Variants in ENOSF1 observed in about 807,000 individuals in gnomAD.
ENOSF1 encodes the protein enolase superfamily member 1, also known as mitochondrial enolase superfamily member 1.
A neutral mutation model predicts 68.2 loss-of-function variants in ENOSF1; 73 were observed. That is an observed-to-expected ratio of 1.07 (90% confidence interval 0.89 to 1.30). ENOSF1 has a LOEUF of 1.30. Among genes scored for constraint, ENOSF1 ranks in the 50% most tolerant of loss-of-function variants. The pLI is 0.00. For missense variants in ENOSF1, 589 were observed against 554.5 expected (o/e 1.06, Z -0.62); for synonymous variants, 223 against 210.4 (o/e 1.06, Z -0.52).
At chr18:692,165 C>G (rs1165769954) in intron 5 of ENOSF1, 1 of 152,224 alleles carries the variant, frequency 6.6e-6, no homozygotes, top group African/African-American at 2.4e-5. Context: ...GGCGGGGCCT[C>G]GTGCTGAGAC....
At chr18:704,232 G>A (rs2612094) in intron 2 of ENOSF1, among the ~76,000 whole-genome samples, 93,147 of 151,602 alleles carry the variant, frequency 0.61, 28,841 homozygotes, top group African/African-American at 0.71. Flanking sequence ...TCAGGAGACC[G>A]GCCTGACCAA....
At position 678,696 on chromosome 18, in the gene ENOSF1, C is replaced by T; in HGVS notation, c.918G>A (p.Gln306=). ...PLGIGIATGE[Q]CHNRVIFKQL... is the part of the protein sequence containing the mutation. ...TCCACCTGTTGGGGGCGTCACTCAC[C>T]TGTTCTCCTGTGGCAATGCCAATTC... Residue 306 remains glutamine, a splice_region_variant and synonymous_variant, in exon 12 of 16, where the codon CAG becomes CAA. Transcript: ENST00000647584. 1 of 1,614,000 alleles carries T rather than the reference C, an allele frequency of 6.2e-7. No individual in the cohort carries two copies. Among genetic ancestry groups the T allele is most frequent in the Non-Finnish European group, 8.5e-7 (1 of 1,180,010 alleles).
In ENOSF1 at chr18:672,919, T is replaced by G; in HGVS notation, c.*1386A>C. On this transcript the variant is annotated 3_prime_UTR_variant, in exon 16 of 16. Transcript: ENST00000647584. ...GGATTCTTCGAAAAGTTGAGAAAAT[T>G]GATGACTTCAAAGCTGAAGACTTTC... 6.3e-7 allele frequency: 1 copy of G among 1,598,514 alleles called. No individual in the cohort carries two copies. Among genetic ancestry groups the G allele is most frequent in the Non-Finnish European group, 8.6e-7 (1 of 1,167,852 alleles).
rs769170683 is a variant in ENOSF1, at chr18:677,859, A to C, written c.932T>G (p.Val311Gly). ...CGCCTGTAGGAGTTGCTTAAATATC[A>C]CTCTATTGTGGCACTGGAAATAGAA... is the stretch of plus-strand genomic sequence containing the variant. ...IATGEQCHNRVIFKQLLQAKA... is the reference protein window; with the variant it reads ...IATGEQCHNRGIFKQLLQAKA... Residue 311 changes from valine to glycine, a missense_variant, in exon 13 of 16, where the codon GTG becomes GGG. By Grantham distance (109) the Val-to-Gly change is moderately radical. Coordinates refer to ENST00000647584, the MANE Select transcript of ENOSF1 (RefSeq NM_017512.7). The C allele has an allele frequency of 3.7e-6, 6 of 1,613,078 alleles. No individual in the cohort carries two copies. The highest frequency in any genetic ancestry group is 5.1e-6 in the Non-Finnish European group (6 of 1,179,840).
At chr18:695,720 T>C (rs919980846) in intron 3 of ENOSF1, among the ~76,000 whole-genome samples, 1 of 152,158 alleles carries the variant, frequency 6.6e-6, no homozygotes, top group Non-Finnish European at 1.5e-5. Context: ...GCTGGGATTA[T>C]AGGCGTGAGC....
At chr18:701,150 A>C (rs1311211548) in intron 2 of ENOSF1, among the ~76,000 whole-genome samples, 1 of 152,124 alleles carries the variant, frequency 6.6e-6, no homozygotes, top group Non-Finnish European at 1.5e-5. Flanking sequence ...ATTTTTAAAA[A>C]TTTTGTCTAT....
intron 5 of ENOSF1, 106 bp from the exon 6 acceptor site, chr18:691,382 G>C: frequency 1.1e-6 from 1 of 933,852 alleles, no homozygotes; most frequent in African/African-American, 1.6e-5. Flanking sequence ...GTCTCACTCT[G>C]TTGCCCAGGC....
In ENOSF1 at chr18:706,558, C is replaced by T. The variant is rs58085394; in HGVS notation, c.105G>A (p.Ser35=). 211,375 of 1,612,488 alleles carry T rather than the reference C, an allele frequency of 0.13. 15,140 individuals carry two copies. Among genetic ancestry groups the T allele is most frequent in the East Asian group, 0.21 (9,380 of 44,824 alleles). ...ADAMHTDPDY[S]AAYVVIETDA... The stretch of plus-strand genomic sequence containing the variant: ...CAGTTTCTATGACGACATAGGCAGC[C>T]GAGTAGTCAGGGTCCGTGTGCTGCA... Residue 35 remains serine, a synonymous_variant, in exon 2 of 16, where the codon TCG becomes TCA. Coordinates refer to ENST00000647584, the MANE Select transcript of ENOSF1 (RefSeq NM_017512.7).
chr18:679,300 C>A (rs9961936), intron 11 of ENOSF1, among the ~76,000 whole-genome samples: 2 of 151,866 alleles, frequency 1.3e-5, no homozygotes, highest in African/African-American at 4.8e-5. Context: ...ACCTCCACCC[C>A]CCAGGCTGAA....
In ENOSF1 at chr18:671,623, G is replaced by T; in HGVS notation, c.*2682C>A. On this transcript the variant is annotated 3_prime_UTR_variant, in exon 16 of 16. Coordinates refer to ENST00000647584, the MANE Select transcript of ENOSF1 (RefSeq NM_017512.7). The stretch of plus-strand genomic sequence containing the variant: ...GGTGGGCAGGACAAGGCAGGCATCT[G>T]CCTCAGCAACCATGGGCACTTAACA... 1 of 636,514 alleles carries T rather than the reference G, an allele frequency of 1.6e-6. No individual in the cohort carries two copies. The highest frequency in any genetic ancestry group is 2.8e-6 in the Non-Finnish European group (1 of 360,698). The allele number at this position is 636,514 out of a possible 1,614,324, so 39.4% of individuals were successfully genotyped here.
At chr18:701,251 T>A (rs1390519828) in intron 2 of ENOSF1, among the ~76,000 whole-genome samples, 1 of 152,168 alleles carries the variant, frequency 6.6e-6, no homozygotes, top group African/African-American at 2.4e-5. Context: ...TGTCCAAACC[T>A]AAGAGTGACC....
chr18:699,585 T>A (rs1268233787), intron 2 of ENOSF1, among the ~76,000 whole-genome samples: 3 of 152,210 alleles, frequency 2.0e-5, no homozygotes, highest in Non-Finnish European at 2.9e-5. Context: ...AGGAAACATT[T>A]AGCCTACGTT....
downstream of ENOSF1, among the ~76,000 whole-genome samples, chr18:667,992 A>ATTTTTTTTTTTTTTTTTTTTTTTTTT (rs60409589): frequency 9.5e-6 from 1 of 105,388 alleles, no homozygotes; most frequent in African/African-American, 4.6e-5. Flanking sequence ...ATTCACAGGA[A>ATTTTTTTTTTTTTTTTTTTTTTTTTT]TTTTTTTTTT....
chr18:700,085 AAAAG>A (rs1333276126), intron 2 of ENOSF1, among the ~76,000 whole-genome samples: 2 of 152,202 alleles, frequency 1.3e-5, no homozygotes, highest in Admixed American at 6.5e-5. Context: ...CATCTCAAGA[AAAAG>A]AAAGAAAGTG....
At chr18:711,262 T>C (rs866102011) in intron 1 of ENOSF1, among the ~76,000 whole-genome samples, 1 of 152,126 alleles carries the variant, frequency 6.6e-6, no homozygotes, top group East Asian at 1.9e-4. Flanking sequence ...AAGGACATTG[T>C]TTTGCATTTA....
At chr18:688,847 C>G (rs919363997) in intron 8 of ENOSF1, among the ~76,000 whole-genome samples, 3 of 152,090 alleles carry the variant, frequency 2.0e-5, no homozygotes, top group African/African-American at 7.2e-5. Flanking sequence ...CACAACCTTC[C>G]CGGAAGGGGA....
chr18:670,482 CACCTGCAGAA>C lies in ENOSF1; in HGVS notation c.*3813_*3822del. On this transcript the variant is annotated 3_prime_UTR_variant, in exon 16 of 16. Transcript: ENST00000647584. The stretch of plus-strand genomic sequence containing the variant: ...GAGCATTGCTTCAGCCGTAAATGGA[CACCTGCAGAA>C]ACCTTGCACCGATGGATAGTCTCCC... 1.8e-6 allele frequency: 1 copy of C among 561,262 alleles called. No homozygotes were observed. The highest frequency in any genetic ancestry group is 2.4e-5 in the South Asian group (1 of 41,762). 34.8% of individuals were successfully genotyped at this position (561,262 alleles called of 1,614,324 possible). A position where few individuals can be genotyped will look rare whatever the true frequency, so the allele number is the denominator to read the frequency against.
intron 5 of ENOSF1, chr18:692,183 C>T (rs12956456): frequency 0.2 from 29,948 of 152,256 alleles, 3,215 homozygotes; most frequent in East Asian, 0.33. Context: ...GACCTCTCCC[C>T]ACCCTGACGG....
At position 690,585 on chromosome 18, in the gene ENOSF1, G is replaced by A. The variant is rs745427543; in HGVS notation, c.582C>T (p.Cys194=). The A allele has an allele frequency of 1.4e-5, 22 of 1,613,912 alleles. No homozygotes were observed. The highest frequency in any genetic ancestry group is 6.7e-5 in the Admixed American group (4 of 60,006). ...TGTCATCTGAGTACCCCAGCCAGGC[G>A]CACGATGTCGTGTAAGCAGGGTATC... is the stretch of plus-strand genomic sequence containing the variant. The part of the protein sequence containing the change: ...AQGYPAYTTS[C]AWLGYSDDTL... The change falls in exon 8 of 16, where the codon TGC becomes TGT. Residue 194 remains cysteine (C), a synonymous_variant. Transcript: ENST00000647584.
Sources: allele counts gnomAD v4.1 joint callset (sites outside exome capture counted in the v4.1 genomes callset), GRCh38; gene constraint gnomAD v4.1.1; transcripts MANE v1.5; gene names NCBI Gene and HGNC (gene_info 2026-07-23, HGNC 2026-07-21).